SCN4A: variants seen among roughly 807,000 people sequenced by gnomAD.
SCN4A encodes sodium voltage-gated channel alpha subunit 4.
SCN4A carries 83 observed loss-of-function variants against 162.0 expected under a neutral mutation model. The observed-to-expected ratio is 0.51, with a 90% CI of 0.43 to 0.61. The LOEUF (loss-of-function observed/expected upper bound fraction) is 0.61, where lower values mean the gene tolerates loss of function less well. SCN4A is among the 20% of genes least tolerant of loss of function. The pLI is 0.00. For synonymous variants in SCN4A, 944 were observed against 985.1 expected (o/e 0.96, Z 0.78); for missense variants, 2,196 against 2,462.5 (o/e 0.89, Z 2.29).
At chr17:63,962,223 G>A (rs1909288843) in intron 10 of SCN4A, among the ~76,000 whole-genome samples, 1 of 152,226 alleles carries the variant, frequency 6.6e-6, no homozygotes, top group Admixed American at 6.5e-5. Context: ...GGCCACTGCA[G>A]GGGCTTGGGT....
In SCN4A at chr17:63,964,687, G is replaced by T; in HGVS notation, c.1243-10C>A. ...CAGCTGCTCGAAGGGTCTGGGAGTG[G>T]AGGGAGAGGGAGTGGAGGGGTCCCA... On this transcript the variant is annotated splice_polypyrimidine_tract_variant and intron_variant, in intron 8 of 23. Transcript: ENST00000435607. The T allele has an allele frequency of 6.3e-7, 1 of 1,594,670 alleles. No homozygotes were observed. The highest frequency in any genetic ancestry group is 8.5e-7 in the Non-Finnish European group (1 of 1,171,172).
Position 63,949,438 on chromosome 17 carries a change from C to T in SCN4A, c.2944G>A (p.Glu982Lys). 1 of 1,604,464 alleles carries T rather than the reference C, an allele frequency of 6.2e-7. No individual in the cohort carries two copies. The highest frequency in any genetic ancestry group is 8.5e-7 in the Non-Finnish European group (1 of 1,175,228). The change falls in exon 15 of 24, where the codon GAG becomes AAG. Residue 982 changes from glutamate (E) to lysine (K), a missense_variant. Transcript: ENST00000435607. ...PPEEDPEEQAEENPEGEQPEE... is the reference protein window; with the variant it reads ...PPEEDPEEQAKENPEGEQPEE... ...GGCTGCTCCCCCTCGGGGTTCTCCT[C>T]TGCCTGCTCCTCAGGGTCCTCCTCG...
Position 63,950,976 on chromosome 17 carries a change from T to C in SCN4A, c.2853+448A>G, listed in dbSNP as rs1195355854. Among the ~76,000 whole-genome samples, 4 of 151,980 alleles carry C rather than the reference T, an allele frequency of 2.6e-5. No individual in the cohort carries two copies. The highest frequency in any genetic ancestry group is 2.9e-5 in the Non-Finnish European group (2 of 67,978). ...TGGCACTTTGGCCCACACTGGGAGG[T>C]TGGGAGCAGACCCAGGTGGGGTCTA... On this transcript the variant is annotated intron_variant, in intron 14 of 23. Transcript: ENST00000435607. This position sits in a 1 kb window ranked among gnomAD's most constrained non-coding sequence, Gnocchi z 4.6.
chr17:63,943,058 C>T lies in SCN4A; in HGVS notation c.4056G>A (p.Lys1352=), dbSNP rs776425293. 5.0e-6 allele frequency: 8 copies of T among 1,613,678 alleles called. No homozygotes were observed. Among genetic ancestry groups the T allele is most frequent in the Middle Eastern group, 3.3e-4 (2 of 6,084 alleles). The change falls in exon 23 of 24, where the codon AAG becomes AAA. Residue 1352 remains lysine, a synonymous_variant. Coordinates refer to ENST00000435607, the MANE Select transcript of SCN4A (RefSeq NM_000334.4). ...TCATGATGGTGATGTCGAAGGCCTG[C>T]TTCGTCACGAGGTCATACACCATGC... is the stretch of plus-strand genomic sequence containing the variant. ...IQGMVYDLVT[K]QAFDITIMIL... is the part of the protein sequence containing the mutation.
chr17:63,948,469 G>C (rs1279982905), intron 16 of SCN4A, 142 bp downstream of exon 16: 6 of 679,134 alleles, frequency 8.8e-6, no homozygotes, highest in Non-Finnish European at 1.4e-5. Flanking sequence ...TATCCCGGAG[G>C]CACAGCGAGT....
In SCN4A at chr17:63,951,965, C is replaced by A; in HGVS notation, c.2377-65G>T. On this transcript the variant is annotated intron_variant, in intron 13 of 23. Transcript: ENST00000435607. This position sits in a 1 kb window ranked among gnomAD's most constrained non-coding sequence, Gnocchi z 4.5. ...GGGACCCAGAGGGTGCCACCTTCAG[C>A]CAGCACAGGGGTCCTCGGTCTACAG... 1.0e-6 allele frequency: 1 copy of A among 990,836 alleles called. No individual in the cohort carries two copies. The highest frequency in any genetic ancestry group is 1.5e-6 in the Non-Finnish European group (1 of 682,680). 61.4% of individuals were successfully genotyped at this position (990,836 alleles called of 1,614,324 possible).
chr17:63,955,890 C>A (rs983447507), intron 13 of SCN4A, among the ~76,000 whole-genome samples: 1 of 152,232 alleles, frequency 6.6e-6, no homozygotes, highest in African/African-American at 2.4e-5. Flanking sequence ...GAAGCTCTGT[C>A]GCTGCAGCTC....
intron 23 of SCN4A, 60 bp from the exon 24 acceptor site, chr17:63,942,053 G>A: frequency 6.8e-7 from 1 of 1,470,952 alleles, no homozygotes; most frequent in Non-Finnish European, 9.1e-7. Context: ...ACAGGGTGTG[G>A]GGAGCATGCG....
intron 13 of SCN4A, among the ~76,000 whole-genome samples, chr17:63,954,946 C>T (rs1909025826): frequency 6.6e-6 from 1 of 152,192 alleles, no homozygotes; most frequent in Non-Finnish European, 1.5e-5. Flanking sequence ...TCCCTGAGCC[C>T]CTGTTTCCTC....
intron 12 of SCN4A, among the ~76,000 whole-genome samples, chr17:63,958,353 TA>T (rs573050612): frequency 6.2e-4 from 90 of 146,018 alleles, no homozygotes; most frequent in Admixed American, 7.5e-4. Context: ...AAACCCTGTC[TA>T]AAAAAAAAAA....
chr17:63,963,561 G>A, intron 10 of SCN4A, 111 bp downstream of exon 10: 1 of 1,203,042 alleles, frequency 8.3e-7, no homozygotes, highest in Admixed American at 3.1e-5. Context: ...GGGCCTGAAT[G>A]GGTAGAGGGG....
Position 63,950,853 on chromosome 17 carries a change from A to G in SCN4A, c.2853+571T>C, listed in dbSNP as rs1051295958. 2.6e-5 allele frequency among the ~76,000 whole-genome samples: 4 copies of G among 152,212 alleles called. No homozygotes were observed. Among genetic ancestry groups the G allele is most frequent in the African/African-American group, 9.6e-5 (4 of 41,462 alleles). ...CTGAGCCCAGCAGCACACCCCCTGC[A>G]TGGCTGAGGGGTCAGGGCTCCTGCC... On this transcript the variant is annotated intron_variant, in intron 14 of 23. Transcript: ENST00000435607. The surrounding 1 kb of genome is among the most constrained non-coding windows in gnomAD (Gnocchi z 4.6).
chr17:63,967,731 G>A (rs966432039), intron 6 of SCN4A, among the ~76,000 whole-genome samples: 6 of 151,794 alleles, frequency 4.0e-5, no homozygotes, highest in Non-Finnish European at 7.4e-5. Context: ...TCAGGAGTTC[G>A]AGACCAGCCT....
rs182438287 is a variant in SCN4A at position 63,941,677 on chromosome 17, C to G, written c.4605G>C (p.Ser1535=). ...GGTTGAGGAGCCCGTCCCAGCCGGC[C>G]GACGTGGTGATCTCGAACAGGCAGA... The part of the protein sequence containing the change: ...SIICLFEITT[S]AGWDGLLNPI... Residue 1535 remains serine (S), a synonymous_variant, in exon 24 of 24, where the codon TCG becomes TCC. Transcript: ENST00000435607. The surrounding 1 kb of genome is among the most constrained non-coding windows in gnomAD (Gnocchi z 6.2). 4.3e-5 allele frequency: 70 copies of G among 1,614,068 alleles called. No homozygotes were observed. The highest frequency in any genetic ancestry group is 5.7e-5 in the Non-Finnish European group (67 of 1,180,002).
intron 13 of SCN4A, among the ~76,000 whole-genome samples, chr17:63,953,888 A>C (rs1381802465): frequency 6.6e-6 from 1 of 152,122 alleles, no homozygotes; most frequent in African/African-American, 2.4e-5. Flanking sequence ...TTTAGAAGGC[A>C]TCTTTCACTT....
At position 63,947,176 on chromosome 17, in the gene SCN4A, G is replaced by C; in HGVS notation, c.3319-9C>G. On this transcript the variant is annotated splice_polypyrimidine_tract_variant and intron_variant, in intron 17 of 23. Transcript: ENST00000435607. ...AAGCTGATGATGGAGACCTGCAGGG[G>C]AGGGGTGAGGGGATCAGTGCGTGCA... 6.2e-7 allele frequency: 1 copy of C among 1,612,926 alleles called. No individual in the cohort carries two copies. The highest frequency in any genetic ancestry group is 8.5e-7 in the Non-Finnish European group (1 of 1,179,774).
intron 12 of SCN4A, among the ~76,000 whole-genome samples, 151 bp from the exon 13 acceptor site, chr17:63,957,669 A>G (rs1909114604): frequency 6.6e-6 from 1 of 152,084 alleles, no homozygotes. Context: ...CTAAATGGGA[A>G]CACTCATTCT....
In SCN4A at chr17:63,972,084, T is replaced by G; in HGVS notation, c.482+52A>C. On this transcript the variant is annotated intron_variant, in intron 3 of 23. Coordinates refer to ENST00000435607, the MANE Select transcript of SCN4A (RefSeq NM_000334.4). This position sits in a 1 kb window ranked among gnomAD's most constrained non-coding sequence, Gnocchi z 4.3. ...AGCACCACACAGAGGTGCAAACACC[T>G]GAGATGGGCTGTGTCCCAGGGCTGG... 7.2e-7 allele frequency: 1 copy of G among 1,391,878 alleles called. No individual in the cohort carries two copies. The highest frequency in any genetic ancestry group is 1.0e-6 in the Non-Finnish European group (1 of 989,218). The allele number at this position is 1,391,878 out of a possible 1,614,324, so 86.2% of individuals were successfully genotyped here.
At chr17:63,966,453 C>T (rs1372326596) in intron 7 of SCN4A, 28 bp downstream of exon 7, 2 of 1,606,930 alleles carry the variant, frequency 1.2e-6, no homozygotes, top group Non-Finnish European at 1.7e-6. Context: ...CCTGGGGTGC[C>T]TTTTCTGCAT....
Sources: allele counts gnomAD v4.1 joint callset (sites outside exome capture counted in the v4.1 genomes callset), GRCh38; gene constraint gnomAD v4.1.1; non-coding constraint Gnocchi (gnomAD v3.1); transcripts MANE v1.5; gene names NCBI Gene and HGNC (gene_info 2026-07-23, HGNC 2026-07-21).